EPB42: variants seen among roughly 807,000 people sequenced by gnomAD.
EPB42 encodes the protein protein 4.2.
A neutral mutation model predicts 76.9 loss-of-function variants in EPB42; 49 were observed. The observed-to-expected ratio is 0.64, with a 90% confidence interval of 0.51 to 0.81. EPB42 has a LOEUF of 0.81. Among genes scored for constraint, EPB42 ranks in the 30% least tolerant of loss-of-function variants. EPB42 has a pLI of 0.00. For synonymous variants in EPB42, 310 were observed against 338.4 expected (o/e 0.92, Z 0.92); for missense variants, 731 against 867.6 (o/e 0.84, Z 1.98).
chr15:43,212,160 G>C (rs970526066), intron 3 of EPB42, among the ~76,000 whole-genome samples: 1 of 152,116 alleles, frequency 6.6e-6, no homozygotes, highest in Non-Finnish European at 1.5e-5. Context: ...CTGAGGTCAG[G>C]AGATCAAGAC....
chr15:43,204,966 C>CT (rs1442841758), intron 10 of EPB42, among the ~76,000 whole-genome samples: 1 of 137,280 alleles, frequency 7.3e-6, no homozygotes, highest in Non-Finnish European at 1.6e-5. Context: ...CCCCCTCCGC[C>CT]CCCCCCCCAA....
intron 3 of EPB42, among the ~76,000 whole-genome samples, chr15:43,211,998 T>C (rs932820441): frequency 6.6e-6 from 1 of 151,702 alleles, no homozygotes; most frequent in South Asian, 2.1e-4. Context: ...GCCCAGGAGT[T>C]TGAGGTTGCA....
rs748857196 is a variant in EPB42 at position 43,206,460 on chromosome 15, C to A, written c.1488G>T (p.Thr496=). 1.7e-5 allele frequency: 28 copies of A among 1,614,082 alleles called. No homozygotes were observed. The Admixed American group carries it at 2.8e-4, about 16-fold the overall frequency. ...PLRGDAQISV[T]LVNHSEQEKA... ...TCTCCTGCTCACTGTGATTAACCAGCGTCACTGAGATCTGGGCATCCCCTC... is the reference window on the plus strand; with the variant it reads ...TCTCCTGCTCACTGTGATTAACCAGAGTCACTGAGATCTGGGCATCCCCTC... Residue 496 remains threonine (T), a synonymous_variant, in exon 10 of 13, where the codon ACG becomes ACT. Transcript: ENST00000441366. This position sits in a 1 kb window ranked among gnomAD's most constrained non-coding sequence, Gnocchi z 4.7.
intron 1 of EPB42, among the ~76,000 whole-genome samples, chr15:43,217,200 T>A (rs1331317451): frequency 6.6e-6 from 1 of 152,156 alleles, no homozygotes; most frequent in African/African-American, 2.4e-5. Flanking sequence ...CAGTTTCTAA[T>A]GGTTTAGCAC....
intron 3 of EPB42, 108 bp from the exon 4 acceptor site, chr15:43,211,642 C>T (rs200945256): frequency 7.2e-5 from 58 of 805,006 alleles, no homozygotes; most frequent in African/African-American, 1.3e-4. Context: ...CAGGCCACCC[C>T]GTCAGCTCTG....
chr15:43,218,241 A>G (rs1309034946), intron 1 of EPB42, among the ~76,000 whole-genome samples: 4 of 152,178 alleles, frequency 2.6e-5, no homozygotes, highest in Non-Finnish European at 4.4e-5. Flanking sequence ...GGATGGTGGA[A>G]TGCCTTAGTC....
chr15:43,201,242 T>C (rs1317508662), intron 12 of EPB42, among the ~76,000 whole-genome samples: 1 of 152,152 alleles, frequency 6.6e-6, no homozygotes, highest in Non-Finnish European at 1.5e-5. Context: ...TAGAAAGTGG[T>C]GGGTGTACAC....
chr15:43,216,662 T>C (rs2042383841), intron 1 of EPB42, among the ~76,000 whole-genome samples: 1 of 152,190 alleles, frequency 6.6e-6, no homozygotes, highest in South Asian at 2.1e-4. Flanking sequence ...GTTGTGGGGA[T>C]TAGATGATGT....
At chr15:43,201,277 CAT>C (rs1438446614) in intron 12 of EPB42, among the ~76,000 whole-genome samples, 1 of 152,170 alleles carries the variant, frequency 6.6e-6, no homozygotes, top group African/African-American at 2.4e-5. Flanking sequence ...TAGCAGAAGA[CAT>C]ATGGGCATAA....
At chr15:43,197,701 G>T (rs2042064304) in intron 12 of EPB42, among the ~76,000 whole-genome samples, 2 of 152,218 alleles carry the variant, frequency 1.3e-5, no homozygotes, top group African/African-American at 2.4e-5. Context: ...TACATCTGTT[G>T]TTCCTTTTGT....
upstream of EPB42, among the ~76,000 whole-genome samples, chr15:43,225,132 C>T (rs1242360905): frequency 6.6e-6 from 1 of 152,130 alleles, no homozygotes; most frequent in Non-Finnish European, 1.5e-5. Flanking sequence ...AGTATACTAT[C>T]TTTGTGTAAA....
chr15:43,209,635 T>G (rs2042261768), intron 5 of EPB42, 184 bp from the exon 6 acceptor site: 1 of 648,136 alleles, frequency 1.5e-6, no homozygotes, highest in Admixed American at 3.1e-5. Flanking sequence ...GGGTCATAGC[T>G]CTAGGGCTGG....
chr15:43,211,615 G>A (rs899031027), intron 3 of EPB42, 81 bp from the exon 4 acceptor site: 12 of 983,880 alleles, frequency 1.2e-5, no homozygotes, highest in South Asian at 2.6e-5. Flanking sequence ...CCTCCCTGCC[G>A]AGATTAGGTT....
At chr15:43,210,204 T>G in intron 5 of EPB42, 131 bp downstream of exon 5, 1 of 822,340 alleles carries the variant, frequency 1.2e-6, no homozygotes, top group South Asian at 1.3e-5. Context: ...CTGTAGGAAC[T>G]GTCCCCACAC....
chr15:43,217,329 G>T (rs2042394635), intron 1 of EPB42, among the ~76,000 whole-genome samples: 1 of 152,116 alleles, frequency 6.6e-6, no homozygotes. Context: ...TGCCATGATT[G>T]TAAGTTTCCT....
chr15:43,211,579 TC>T, intron 3 of EPB42, 45 bp from the exon 4 acceptor site: 1 of 1,245,286 alleles, frequency 8.0e-7, no homozygotes, highest in Non-Finnish European at 1.2e-6. Context: ...GGGTCCTAGG[TC>T]CACCCTCCAC....
At chr15:43,200,349 A>G (rs2042107149) in intron 12 of EPB42, among the ~76,000 whole-genome samples, 1 of 152,194 alleles carries the variant, frequency 6.6e-6, no homozygotes, top group Non-Finnish European at 1.5e-5. Flanking sequence ...GGAGGGTAGG[A>G]GTAAGTATCT....
intron 3 of EPB42, among the ~76,000 whole-genome samples, chr15:43,214,759 T>C (rs2042352669): frequency 6.6e-6 from 1 of 152,124 alleles, no homozygotes; most frequent in Non-Finnish European, 1.5e-5. Context: ...CCTGCACTGT[T>C]ATAATGAAGG....
Position 43,203,095 on chromosome 15 carries a change from AG to A in EPB42, c.1779+19del, listed in dbSNP as rs1277914578. ...GAGTGGTGGCAGACGAGGGCAACTC[AG>A]GGGAGGACTGGTGCCTACCTTGATG... On this transcript the variant is annotated intron_variant, in intron 11 of 12. Coordinates refer to ENST00000441366, the MANE Select transcript of EPB42 (RefSeq NM_001114134.2). 6.2e-7 allele frequency: 1 copy of A among 1,613,896 alleles called. No homozygotes were observed. Among genetic ancestry groups the A allele is most frequent in the East Asian group, 2.2e-5 (1 of 44,884 alleles).
Sources: allele counts gnomAD v4.1 joint callset (sites outside exome capture counted in the v4.1 genomes callset), GRCh38; gene constraint gnomAD v4.1.1; non-coding constraint Gnocchi (gnomAD v3.1); transcripts MANE v1.5; gene names NCBI Gene and HGNC (gene_info 2026-07-23, HGNC 2026-07-21).